TBC1D10B: variants seen among roughly 807,000 people sequenced by gnomAD.
TBC1D10B encodes the protein TBC1 domain family member 10B.
Under a neutral mutation model 78.4 loss-of-function variants are expected in TBC1D10B, and 25 were observed. The ratio of observed to expected loss-of-function variants is 0.32; its 90% CI spans 0.23 to 0.45. TBC1D10B has a LOEUF of 0.45. TBC1D10B is among the 20% of genes least tolerant of loss of function. The pLI is 1.00. For synonymous variants in TBC1D10B, 517 were observed against 478.0 expected, an observed-to-expected ratio of 1.08 and a Z score of -1.06; for missense variants, 996 against 1,104.8, an observed-to-expected ratio of 0.90 and a Z score of 1.40.
Position 30,370,479 on chromosome 16 carries a change from T to C in TBC1D10B, c.-296A>G, listed in dbSNP as rs907390944. ...CCTGCGCACACGCCGCAGAGCCGGC[T>C]CCGCGCCAGCGTCTCGGCGTTCCAC... On this transcript the variant is annotated 5_prime_UTR_variant, in exon 1 of 9. Coordinates refer to ENST00000409939, the MANE Select transcript of TBC1D10B (RefSeq NM_015527.4). Among the ~76,000 whole-genome samples the C allele has an allele frequency of 1.6e-4, 25 of 152,018 alleles. No individual in the cohort carries two copies. Among genetic ancestry groups the C allele is most frequent in the Non-Finnish European group, 3.4e-4 (23 of 67,962 alleles).
rs763219128 is a variant in TBC1D10B at position 30,365,249 on chromosome 16, G to A, written c.1057-37C>T. The stretch of plus-strand genomic sequence containing the variant: ...TGGCAGGAGGGGGACAGCTTCAAGG[G>A]CTGGCACAGCCTCCAACCTTTCCCC... On this transcript the variant is annotated intron_variant, in intron 2 of 8. Transcript: ENST00000409939. The surrounding 1 kb of genome is among the most constrained non-coding windows in gnomAD (Gnocchi z 5.0). The A allele has an allele frequency of 2.5e-6, 4 of 1,578,946 alleles. No homozygotes were observed. Among genetic ancestry groups the A allele is most frequent in the South Asian group, 1.1e-5 (1 of 90,292 alleles).
chr16:30,358,338 G>A lies in TBC1D10B; in HGVS notation c.2033C>T (p.Ser678Phe). The change falls in exon 9 of 9, where the codon TCC (serine) becomes TTC (phenylalanine). Residue 678 changes from serine (S) to phenylalanine (F), a missense_variant. This residue lies in a region of TBC1D10B where 285 missense variants were observed against 252.5 expected (regional missense o/e 1.13). Coordinates refer to ENST00000409939, the MANE Select transcript of TBC1D10B (RefSeq NM_015527.4). Reference protein sequence around the residue: ...RGSRAAGGAPSPPPPVRRASA... With the variant: ...RGSRAAGGAPFPPPPVRRASA... The stretch of plus-strand genomic sequence containing the variant: ...GGCTCTGCGGACGGGGGGCGGCGGG[G>A]ACGGGGCCCCTCCAGCTGCCCGGGA... 6.4e-7 allele frequency: 1 copy of A among 1,561,576 alleles called. No individual in the cohort carries two copies. The highest frequency in any genetic ancestry group is 1.4e-5 in the African/African-American group (1 of 73,632).
At chr16:30,363,159 A>C (rs1257223916) in intron 4 of TBC1D10B, among the ~76,000 whole-genome samples, 2 of 151,876 alleles carry the variant, frequency 1.3e-5, no homozygotes, top group East Asian at 3.9e-4. Context: ...CAGGCCAAAA[A>C]CCCTACTCCC....
chr16:30,367,262 A>C (rs2049643477), intron 1 of TBC1D10B: 1 of 152,236 alleles, frequency 6.6e-6, no homozygotes, highest in Non-Finnish European at 1.5e-5. Context: ...AGTTATGAGA[A>C]GACTATTGAG....
intron 1 of TBC1D10B, among the ~76,000 whole-genome samples, chr16:30,368,864 G>C (rs1567415271): frequency 6.6e-6 from 1 of 152,114 alleles, no homozygotes; most frequent in Non-Finnish European, 1.5e-5. Context: ...AGAATATCCG[G>C]CCTGTAGCTG....
In TBC1D10B at chr16:30,364,923, C is replaced by T. The variant is rs1372908462; in HGVS notation, c.1248G>A (p.Met416Ile). ...ACCCATGCCCCCCTCGAGCAGCAAA[C>T]ATCTCGTGGAAAGGGAACTGGCGGT... ...DLHRQFPFHEMFAARGGHGQQ... is the reference protein window; with the variant it reads ...DLHRQFPFHEIFAARGGHGQQ... The change falls in exon 4 of 9, where the codon ATG (methionine) becomes ATA (isoleucine). Residue 416 changes from methionine to isoleucine, a missense_variant. By Grantham distance (10) the Met-to-Ile change is conservative (BLOSUM62 1). Around this residue, in one of 5 missense-constraint regions of TBC1D10B, gnomAD observed 93 missense variants for 152.7 expected, o/e 0.61. Coordinates refer to ENST00000409939, the MANE Select transcript of TBC1D10B (RefSeq NM_015527.4). The T allele has an allele frequency of 7.4e-6, 12 of 1,612,572 alleles. No individual in the cohort carries two copies. The highest frequency in any genetic ancestry group is 9.3e-6 in the Non-Finnish European group (11 of 1,179,360).
Position 30,365,635 on chromosome 16 carries a change from G to T in TBC1D10B, c.957-41C>A, listed in dbSNP as rs781569648. ...AGCACGGAAGGGGTCAGTAGCAATA[G>T]TGTAAAACCTGCATTGCAGGGGGAA... On this transcript the variant is annotated intron_variant, in intron 1 of 8. Coordinates refer to ENST00000409939, the MANE Select transcript of TBC1D10B (RefSeq NM_015527.4). This position sits in a 1 kb window ranked among gnomAD's most constrained non-coding sequence, Gnocchi z 5.0. 4 of 1,587,276 alleles carry T rather than the reference G, an allele frequency of 2.5e-6. No homozygotes were observed. In the Admixed American group the frequency reaches 6.7e-5, roughly 26 times the overall value.
Position 30,369,858 on chromosome 16 carries a change from G to T in TBC1D10B, c.326C>A (p.Pro109Gln). The T allele has an allele frequency of 7.1e-7, 1 of 1,404,186 alleles. No individual in the cohort carries two copies. 87.0% of individuals were successfully genotyped at this position (1,404,186 alleles called of 1,614,324 possible). The change falls in exon 1 of 9, where the codon CCG becomes CAG. Residue 109 changes from proline to glutamine, a missense_variant. Physicochemically the swap from Pro to Gln is moderately conservative, Grantham distance 76. Around this residue, in one of 5 missense-constraint regions of TBC1D10B, gnomAD observed 448 missense variants for 442.1 expected, o/e 1.01. Transcript: ENST00000409939. This position sits in a 1 kb window ranked among gnomAD's most constrained non-coding sequence, Gnocchi z 4.3. ...CACTGCCGCGGGCTCTGGGGATTCC[G>T]GGCCGGAGGGGAGCTGCGGCTTTGG... ...EAPKPQLPSG[P>Q]ESPEPAAVAG...
At position 30,365,889 on chromosome 16, in the gene TBC1D10B, C is replaced by T. The variant is rs2049631814; in HGVS notation, c.957-295G>A. 2.8e-5 allele frequency: 10 copies of T among 360,188 alleles called. No individual in the cohort carries two copies. Among genetic ancestry groups the T allele is most frequent in the South Asian group, 2.3e-4 (7 of 30,954 alleles). 22.3% of individuals were successfully genotyped at this position (360,188 alleles called of 1,614,324 possible). ...ACATTTTGCATTAGATCTGGATCCA[C>T]GTCCTAGCTTTACCATTTATTCATT... is the stretch of plus-strand genomic sequence containing the variant. On this transcript the variant is annotated intron_variant, in intron 1 of 8. Coordinates refer to ENST00000409939, the MANE Select transcript of TBC1D10B (RefSeq NM_015527.4). This position sits in a 1 kb window ranked among gnomAD's most constrained non-coding sequence, Gnocchi z 5.0.
chr16:30,358,417 G>T lies in TBC1D10B; in HGVS notation c.1954C>A (p.Pro652Thr). ...AGGAGGCTGGAGGAGGGGCCCAGGG[G>T]TGGCTGTTGCCGCCGGCGCTCCTCG... is the stretch of plus-strand genomic sequence containing the variant. Reference protein sequence around the residue: ...IHEERRRQQPPLGPSSSLLSL... With the variant: ...IHEERRRQQPTLGPSSSLLSL... The change falls in exon 9 of 9, where the codon CCC becomes ACC. Residue 652 changes from proline to threonine, a missense_variant. Around this residue, in one of 5 missense-constraint regions of TBC1D10B, gnomAD observed 285 missense variants for 252.5 expected, o/e 1.13. Coordinates refer to ENST00000409939, the MANE Select transcript of TBC1D10B (RefSeq NM_015527.4). The T allele has an allele frequency of 1.3e-6, 2 of 1,578,660 alleles. No homozygotes were observed. The highest frequency in any genetic ancestry group is 1.2e-5 in the South Asian group (1 of 86,566).
chr16:30,359,914 C>T (rs1219991031), intron 4 of TBC1D10B, 73 bp from the exon 5 acceptor site: 37 of 1,342,536 alleles, frequency 2.8e-5, no homozygotes, highest in Non-Finnish European at 3.5e-5. Context: ...GTTCCAGATT[C>T]GTCCCAGAGT....
rs78514302 is a variant in TBC1D10B, at chr16:30,368,896, G to A, written c.956+332C>T. On this transcript the variant is annotated intron_variant, in intron 1 of 8. Transcript: ENST00000409939. ...GCTGGAGTTCCCCATCAAAGAGCAG[G>A]GATGACCTCAGGTATCATCTCATTC... 1.1e-3 allele frequency among the ~76,000 whole-genome samples: 175 copies of A among 152,288 alleles called. 2 individuals carry two copies. The East Asian group carries it at 0.032, about 28-fold the overall frequency.
Position 30,365,259 on chromosome 16 carries a change from C to T in TBC1D10B, c.1057-47G>A, listed in dbSNP as rs1184535942. The stretch of plus-strand genomic sequence containing the variant: ...GGGACAGCTTCAAGGGCTGGCACAG[C>T]CTCCAACCTTTCCCCAGCAGTCCAC... On this transcript the variant is annotated intron_variant, in intron 2 of 8. Coordinates refer to ENST00000409939, the MANE Select transcript of TBC1D10B (RefSeq NM_015527.4). The surrounding 1 kb of genome is among the most constrained non-coding windows in gnomAD (Gnocchi z 5.0). The T allele has an allele frequency of 6.5e-7, 1 of 1,550,074 alleles. No individual in the cohort carries two copies. The highest frequency in any genetic ancestry group is 1.4e-5 in the African/African-American group (1 of 73,348).
rs978376203 is a variant in TBC1D10B at position 30,365,690 on chromosome 16, C to T, written c.957-96G>A. 6 of 1,156,118 alleles carry T rather than the reference C, an allele frequency of 5.2e-6. No individual in the cohort carries two copies. The highest frequency in any genetic ancestry group is 1.2e-5 in the South Asian group (1 of 80,404). 71.6% of individuals were successfully genotyped at this position (1,156,118 alleles called of 1,614,324 possible). ...GGCAAGCCACCTCCCCAAGCTCAAA[C>T]GAGAAACTGGATAGTCTGTGAGCTG... On this transcript the variant is annotated intron_variant, in intron 1 of 8. Transcript: ENST00000409939. The surrounding 1 kb of genome is among the most constrained non-coding windows in gnomAD (Gnocchi z 5.0).
In TBC1D10B at chr16:30,370,160, C is replaced by T; in HGVS notation, c.24G>A (p.Leu8=). METGTAP[L]VAPPRRHGAP... ...CGCCATGACGGCGCGGCGGGGCCAC[C>T]AGGGGCGCCGTGCCCGTCTCCATGG... The change falls in exon 1 of 9, where the codon CTG becomes CTA. Residue 8 remains leucine, a synonymous_variant. Coordinates refer to ENST00000409939, the MANE Select transcript of TBC1D10B (RefSeq NM_015527.4). The T allele has an allele frequency of 2.5e-6, 3 of 1,185,348 alleles. No homozygotes were observed. Among genetic ancestry groups the T allele is most frequent in the Non-Finnish European group, 3.1e-6 (3 of 958,108 alleles). The allele number at this position is 1,185,348 out of a possible 1,614,324, so 73.4% of individuals were successfully genotyped here.
At position 30,369,756 on chromosome 16, in the gene TBC1D10B, G is replaced by A; in HGVS notation, c.428C>T (p.Ala143Val). 1 of 1,456,714 alleles carries A rather than the reference G, an allele frequency of 6.9e-7. No individual in the cohort carries two copies. Among genetic ancestry groups the A allele is most frequent in the Non-Finnish European group, 9.1e-7 (1 of 1,102,178 alleles). 90.2% of individuals were successfully genotyped at this position (1,456,714 alleles called of 1,614,324 possible). A position where few individuals can be genotyped will look rare whatever the true frequency, so the allele number is the denominator to read the frequency against. The change falls in exon 1 of 9, where the codon GCC becomes GTC. Residue 143 changes from alanine to valine, a missense_variant. Coordinates refer to ENST00000409939, the MANE Select transcript of TBC1D10B (RefSeq NM_015527.4). The surrounding 1 kb of genome is among the most constrained non-coding windows in gnomAD (Gnocchi z 4.3). Reference sequence around the variant, plus strand: ...CCCGGTGGGGGTCCCTGGTCCTGGGGCGGGTGAGGGTCGAGCCTCCTCTGT... The same window carrying A: ...CCCGGTGGGGGTCCCTGGTCCTGGGACGGGTGAGGGTCGAGCCTCCTCTGT... ...PKTEEARPSP[A>V]PGPGTPTGTP... is the part of the protein sequence containing the mutation.
chr16:30,361,636 C>T (rs573345750), intron 4 of TBC1D10B, among the ~76,000 whole-genome samples: 332 of 152,160 alleles, frequency 2.2e-3, no homozygotes, highest in African/African-American at 7.7e-3. Flanking sequence ...AACTCCTGAC[C>T]TCAGGTGATC....
At position 30,359,295 on chromosome 16, in the gene TBC1D10B, G is replaced by A. The variant is rs138881276; in HGVS notation, c.1519C>T (p.Arg507Cys). 21 of 1,605,368 alleles carry A rather than the reference G, an allele frequency of 1.3e-5. No individual in the cohort carries two copies. Among genetic ancestry groups the A allele is most frequent in the Middle Eastern group, 1.6e-4 (1 of 6,076 alleles). Residue 507 changes from arginine to cysteine, a missense_variant, in exon 7 of 9, where the codon CGC becomes TGC. By Grantham distance (180) the Arg-to-Cys change is radical. Transcript: ENST00000409939. ...LLRRASPLAH[R>C]HLRRQRIDPV... ...TCAATGCGCTGCCGCCGCAGGTGGC[G>A]ATGCGCCAGCGGGGAGGCCCGGCGC...
chr16:30,358,260 G>C lies in TBC1D10B; in HGVS notation c.2111C>G (p.Ser704Cys). Residue 704 changes from serine (S) to cysteine (C), a missense_variant, in exon 9 of 9, where the codon TCC becomes TGC. Physicochemically the swap from Ser to Cys is moderately radical, Grantham distance 112 (BLOSUM62 -1). Transcript: ENST00000409939. ...GCTATTGCCAGTGGGTGAGGGAAGG[G>C]ATGGATGCAGTCCCTCAGCAGTGAC... ...PVVTAEGLHP[S>C]LPSPTGNSTP... 1 of 1,576,488 alleles carries C rather than the reference G, an allele frequency of 6.3e-7. No individual in the cohort carries two copies.
Sources: gnomAD v4.1 joint callset for allele counts (sites outside exome capture counted in the v4.1 genomes callset) on GRCh38, gnomAD v4.1.1 for gene constraint, gnomAD v4.1.1 regional missense constraint, Gnocchi (gnomAD v3.1) non-coding constraint, MANE v1.5 for transcripts, NCBI Gene and HGNC (gene_info 2026-07-23, HGNC 2026-07-21) for gene names.